Variants in TTC29 observed in about 807,000 individuals in gnomAD.
The protein encoded by TTC29 is tetratricopeptide repeat protein 29.
A neutral mutation model predicts 58.1 loss-of-function variants in TTC29; 49 were observed. The observed-to-expected ratio is 0.84, with a 90% confidence interval of 0.67 to 1.07. The LOEUF (loss-of-function observed/expected upper bound fraction) is 1.07, where lower values mean the gene tolerates loss of function less well. TTC29 is among the 50% of genes least tolerant of loss of function. The pLI is 0.00. For synonymous variants in TTC29, 209 were observed against 196.8 expected, an observed-to-expected ratio of 1.06 and a Z score of -0.52; for missense variants, 582 against 555.6, an observed-to-expected ratio of 1.05 and a Z score of -0.48.
At chr4:146,741,529 A>G (rs560114981) in intron 11 of TTC29, among the ~76,000 whole-genome samples, 32 of 151,440 alleles carry the variant, frequency 2.1e-4, no homozygotes, top group Non-Finnish European at 4.0e-4. Flanking sequence ...CTTTTCTCCA[A>G]TCCATCGAAC....
At chr4:146,867,080 C>T (rs966819134) in intron 8 of TTC29, among the ~76,000 whole-genome samples, 4 of 152,196 alleles carry the variant, frequency 2.6e-5, no homozygotes, top group Admixed American at 2.6e-4. Flanking sequence ...TACATCAATG[C>T]AGCTCACTGT....
At chr4:146,785,222 C>T (rs1314664021) in intron 11 of TTC29, among the ~76,000 whole-genome samples, 3 of 123,024 alleles carry the variant, frequency 2.4e-5, no homozygotes, top group South Asian at 2.5e-4. Context: ...GACGGAGTTT[C>T]GCTCTTGTTG....
intron 11 of TTC29, among the ~76,000 whole-genome samples, chr4:146,749,472 A>G (rs1745806777): frequency 6.6e-6 from 1 of 152,200 alleles, no homozygotes. Context: ...GACCTCCATC[A>G]GAGGAAAAGA....
chr4:146,917,617 A>ACATTATATATTATTTATGTAATATC (rs1250048875), intron 4 of TTC29, among the ~76,000 whole-genome samples: 1 of 143,148 alleles, frequency 7.0e-6, no homozygotes, highest in African/African-American at 2.5e-5. Context: ...TTTATAATAT[A>ACATTATATATTATTTATGTAATATC]TAATTAGATA....
rs565438050 is a variant in TTC29 at position 146,764,596 on chromosome 4, G to A, written c.1330+38861C>T. ...CAGTTTAGGAGCGTACCCATACATA[G>A]GCTCAGTTATGTAAGAATTTTTCCT... On this transcript the variant is annotated intron_variant, in intron 11 of 12. Transcript: ENST00000325106. Among the ~76,000 whole-genome samples, 16 of 152,012 alleles carry A rather than the reference G, an allele frequency of 1.1e-4. No individual in the cohort carries two copies. In the South Asian group the frequency reaches 3.3e-3, roughly 32 times the overall value.
At chr4:146,935,894 C>T (rs1364503765) in intron 4 of TTC29, among the ~76,000 whole-genome samples, 3 of 152,192 alleles carry the variant, frequency 2.0e-5, no homozygotes, top group African/African-American at 4.8e-5. Flanking sequence ...ATGGCACCTG[C>T]TGGGCATTGC....
At chr4:146,850,151 C>G (rs1434802537) in intron 8 of TTC29, among the ~76,000 whole-genome samples, 1 of 152,186 alleles carries the variant, frequency 6.6e-6, no homozygotes, top group Admixed American at 6.5e-5. Flanking sequence ...GCATCTAAAA[C>G]AAGGCTTGGC....
intron 4 of TTC29, among the ~76,000 whole-genome samples, chr4:146,923,859 A>G (rs1734756504): frequency 6.6e-6 from 1 of 151,920 alleles, no homozygotes; most frequent in Non-Finnish European, 1.5e-5. Flanking sequence ...TCTGCCAAAT[A>G]TAAGAATGCA....
chr4:146,711,757 A>G (rs1352297863), intron 11 of TTC29, among the ~76,000 whole-genome samples: 1 of 152,114 alleles, frequency 6.6e-6, no homozygotes, highest in African/African-American at 2.4e-5. Context: ...CACTGATAGT[A>G]AAGAGTCTCA....
At chr4:146,708,306 GTTTATA>G (rs1742139035) in intron 11 of TTC29, among the ~76,000 whole-genome samples, 1 of 78,818 alleles carries the variant, frequency 1.3e-5, no homozygotes, top group South Asian at 4.9e-4. Context: ...AATATGGGAA[GTTTATA>G]TATATATATA....
At chr4:146,776,786 C>T (rs932490655) in intron 11 of TTC29, among the ~76,000 whole-genome samples, 5 of 152,154 alleles carry the variant, frequency 3.3e-5, no homozygotes, top group Non-Finnish European at 5.9e-5. Context: ...AGTGGAGTAC[C>T]GATGGAAGCA....
chr4:146,853,096 C>G (rs1302702925), intron 8 of TTC29, among the ~76,000 whole-genome samples: 1 of 151,862 alleles, frequency 6.6e-6, no homozygotes, highest in Non-Finnish European at 1.5e-5. Flanking sequence ...TAATTAAAAC[C>G]TTTAAATTTT....
At chr4:146,744,674 C>T (rs1745411790) in intron 11 of TTC29, among the ~76,000 whole-genome samples, 1 of 152,112 alleles carries the variant, frequency 6.6e-6, no homozygotes, top group East Asian at 1.9e-4. Context: ...TCTGTGGGCC[C>T]ACAGGTGTTG....
chr4:146,732,556 G>A (rs1027899146), intron 11 of TTC29, among the ~76,000 whole-genome samples: 1 of 152,166 alleles, frequency 6.6e-6, no homozygotes. Context: ...GGGCAGCGAA[G>A]TAGTTTGAAA....
chr4:146,732,987 C>T (rs1744451460), intron 11 of TTC29, among the ~76,000 whole-genome samples: 1 of 152,078 alleles, frequency 6.6e-6, no homozygotes, highest in Non-Finnish European at 1.5e-5. Context: ...TGGGGGACAA[C>T]CAGGCTTCAA....
At chr4:146,862,506 C>T (rs1399683327) in intron 8 of TTC29, among the ~76,000 whole-genome samples, 5 of 151,968 alleles carry the variant, frequency 3.3e-5, no homozygotes, top group Admixed American at 1.3e-4. Flanking sequence ...GTCCTTTTAA[C>T]GCAAAGGAAA....
chr4:146,857,254 C>T (rs556512985), intron 8 of TTC29, among the ~76,000 whole-genome samples: 2 of 139,532 alleles, frequency 1.4e-5, no homozygotes, highest in African/African-American at 2.7e-5. Context: ...ATAAGGTAGG[C>T]GCTGTTTGTG....
intron 8 of TTC29, among the ~76,000 whole-genome samples, chr4:146,848,945 T>A (rs1729346859): frequency 6.6e-6 from 1 of 152,220 alleles, no homozygotes; most frequent in Non-Finnish European, 1.5e-5. Context: ...CAAGCACACA[T>A]CCCAAGGTGC....
chr4:146,711,418 G>A (rs10002673), intron 11 of TTC29, among the ~76,000 whole-genome samples: 3 of 152,056 alleles, frequency 2.0e-5, no homozygotes, highest in African/African-American at 4.8e-5. Flanking sequence ...GATTACATTC[G>A]TATATCATAT....
Sources: allele counts gnomAD v4.1 joint callset (sites outside exome capture counted in the v4.1 genomes callset), GRCh38; gene constraint gnomAD v4.1.1; transcripts MANE v1.5; gene names NCBI Gene and HGNC (gene_info 2026-07-23, HGNC 2026-07-21).